Variants in ESRRG observed in about 807,000 individuals in gnomAD.
The protein encoded by ESRRG is estrogen-related receptor gamma.
A neutral mutation model predicts 44.0 loss-of-function variants in ESRRG; 13 were observed. The observed-to-expected ratio is 0.30, with a 90% CI of 0.19 to 0.47. The LOEUF (loss-of-function observed/expected upper bound fraction) is 0.47. Ranked by LOEUF, ESRRG falls within the 20% of genes least tolerant of loss-of-function variation. ESRRG has a pLI of 1.00. For synonymous variants in ESRRG, 215 were observed against 214.6 expected (o/e 1.00, Z -0.02); for missense variants, 395 against 580.6 (o/e 0.68, Z 3.29).
At position 216,571,719 on chromosome 1, in the gene ESRRG, A is replaced by T. The variant is rs534627999; in HGVS notation, c.590-3621T>A. Among the ~76,000 whole-genome samples, 87 of 152,248 alleles carry T rather than the reference A, an allele frequency of 5.7e-4. 1 individual carries two copies. The South Asian group carries it at 0.018, about 31-fold the overall frequency. ...ATTTATCCTAGCTATACACCTATCC[A>T]GTGAAAAACCTTTCACATAAGTCCT... On this transcript the variant is annotated intron_variant, in intron 3 of 6. Coordinates refer to ENST00000408911, the MANE Select transcript of ESRRG (RefSeq NM_001438.4).
At chr1:216,960,765 T>C (rs1311904575) in intron 1 of ESRRG, among the ~76,000 whole-genome samples, 1 of 152,022 alleles carries the variant, frequency 6.6e-6, no homozygotes, top group Admixed American at 6.6e-5. Flanking sequence ...TTTAAAAATA[T>C]AATTTTGTAG....
intron 1 of ESRRG, among the ~76,000 whole-genome samples, chr1:217,117,071 A>T (rs1468888497): frequency 6.6e-6 from 1 of 152,228 alleles, no homozygotes; most frequent in Non-Finnish European, 1.5e-5. Flanking sequence ...TAATAACAGC[A>T]TATGGAGAAA....
chr1:216,769,094 A>AT (rs2093260745), intron 2 of ESRRG, among the ~76,000 whole-genome samples: 1 of 152,128 alleles, frequency 6.6e-6, no homozygotes, highest in Non-Finnish European at 1.5e-5. Flanking sequence ...TGATTAAAAG[A>AT]TTGCCTCCTG....
At chr1:216,710,029 T>A (rs2151958978) in intron 1 of ESRRG, among the ~76,000 whole-genome samples, 1 of 152,320 alleles carries the variant, frequency 6.6e-6, no homozygotes, top group South Asian at 2.1e-4. Flanking sequence ...AGAAAATGAG[T>A]GCATGCTCCC....
At chr1:216,726,751 CT>C (rs1485768090), upstream of ESRRG, among the ~76,000 whole-genome samples, 2 of 152,110 alleles carry the variant, frequency 1.3e-5, no homozygotes, top group Non-Finnish European at 2.9e-5. Context: ...GTTTCAATCT[CT>C]TCTTCCTTAA....
intron 1 of ESRRG, among the ~76,000 whole-genome samples, chr1:216,965,665 G>C (rs1314826795): frequency 6.6e-6 from 1 of 152,152 alleles, no homozygotes; most frequent in African/African-American, 2.4e-5. Context: ...CTAGGCCTGG[G>C]GGGAGGCCAA....
intron 3 of ESRRG, among the ~76,000 whole-genome samples, chr1:216,578,566 G>T (rs1455529955): frequency 6.6e-6 from 1 of 151,880 alleles, no homozygotes; most frequent in East Asian, 1.9e-4. Context: ...CAATTAGAAG[G>T]ATACTCTAAA....
intron 1 of ESRRG, among the ~76,000 whole-genome samples, chr1:216,702,273 T>C (rs2081512053): frequency 6.6e-6 from 1 of 152,168 alleles, no homozygotes; most frequent in Non-Finnish European, 1.5e-5. Context: ...TTATAGATTC[T>C]CTAGTCTTAT....
intron 5 of ESRRG, among the ~76,000 whole-genome samples, chr1:216,537,516 C>T (rs1025423221): frequency 1.1e-4 from 16 of 151,994 alleles, no homozygotes; most frequent in Admixed American, 4.6e-4. Context: ...TTTACAGAGG[C>T]TAGTGCAGCT....
chr1:216,577,156 T>C (rs2061830192), intron 3 of ESRRG, among the ~76,000 whole-genome samples: 1 of 151,662 alleles, frequency 6.6e-6, no homozygotes, highest in Non-Finnish European at 1.5e-5. Flanking sequence ...CTTACTTTGC[T>C]TGATGTCAGA....
At chr1:216,606,521 T>C (rs1472708469) in intron 3 of ESRRG, among the ~76,000 whole-genome samples, 9 of 152,128 alleles carry the variant, frequency 5.9e-5, no homozygotes, top group Non-Finnish European at 1.3e-4. Context: ...ACCATTTTAT[T>C]GCCGCTTTCC....
intron 3 of ESRRG, among the ~76,000 whole-genome samples, chr1:216,628,439 C>T (rs1252212800): frequency 6.6e-6 from 1 of 152,146 alleles, no homozygotes; most frequent in Non-Finnish European, 1.5e-5. Context: ...ATCCTAAAGA[C>T]TCAAGCTAAC....
intron 1 of ESRRG, among the ~76,000 whole-genome samples, chr1:216,988,393 T>A (rs532326741): frequency 1.3e-5 from 2 of 152,324 alleles, no homozygotes; most frequent in East Asian, 3.9e-4. Flanking sequence ...TTATCAGTTG[T>A]TTTCCTTATT....
At chr1:216,797,566 T>C (rs932044828) in intron 2 of ESRRG, among the ~76,000 whole-genome samples, 2 of 152,164 alleles carry the variant, frequency 1.3e-5, no homozygotes, top group African/African-American at 4.8e-5. Flanking sequence ...AAAAATCCCA[T>C]TACCATAGGA....
At chr1:216,805,014 G>C (rs2094743641) in intron 2 of ESRRG, 1 of 152,136 alleles carries the variant, frequency 6.6e-6, no homozygotes, top group Non-Finnish European at 1.5e-5. Context: ...TGTCCTTCCT[G>C]TTCAAAGACA....
chr1:216,528,819 T>C (rs1049560059), intron 5 of ESRRG, among the ~76,000 whole-genome samples: 1 of 152,012 alleles, frequency 6.6e-6, no homozygotes, highest in East Asian at 1.9e-4. Flanking sequence ...GCAATAAAAA[T>C]GCATACATAA....
intron 1 of ESRRG, among the ~76,000 whole-genome samples, chr1:216,984,951 G>T (rs58711391): frequency 0.046 from 7,044 of 152,112 alleles, 512 homozygotes; most frequent in African/African-American, 0.16. Context: ...ATAAACTCAA[G>T]AATAATTTCA....
At chr1:216,932,031 T>C (rs907913111) in intron 2 of ESRRG, among the ~76,000 whole-genome samples, 2 of 151,784 alleles carry the variant, frequency 1.3e-5, no homozygotes, top group African/African-American at 4.8e-5. Flanking sequence ...TGGTGAAACG[T>C]GGTCTCTACT....
intron 2 of ESRRG, among the ~76,000 whole-genome samples, chr1:216,882,696 T>G (rs1248308856): frequency 6.6e-6 from 1 of 151,940 alleles, no homozygotes; most frequent in Non-Finnish European, 1.5e-5. Flanking sequence ...TGGGTGGGGG[T>G]AGAAGGTAGC....
Sources: gnomAD v4.1 joint callset for allele counts (sites outside exome capture counted in the v4.1 genomes callset) on GRCh38, gnomAD v4.1.1 for gene constraint, MANE v1.5 for transcripts, NCBI Gene and HGNC (gene_info 2026-07-23, HGNC 2026-07-21) for gene names.